The following CRTAC1 variants were observed in gnomAD, a reference collection of about 807,000 sequenced individuals.
CRTAC1 encodes cartilage acidic protein 1.
A neutral mutation model predicts 67.8 loss-of-function variants in CRTAC1; 37 were observed. The ratio of observed to expected loss-of-function variants is 0.55; its 90% CI spans 0.42 to 0.72. The LOEUF is 0.72. Ranked by LOEUF, CRTAC1 falls within the 30% of genes least tolerant of loss-of-function variation. CRTAC1 has a pLI of 0.00. For synonymous variants in CRTAC1, 348 were observed against 371.0 expected (o/e 0.94, Z 0.71); for missense variants, 780 against 931.6 (o/e 0.84, Z 2.12).
chr10:98,020,240 CAGAG>C (rs1293988573), intron 1 of CRTAC1, among the ~76,000 whole-genome samples: 1 of 152,160 alleles, frequency 6.6e-6, no homozygotes, highest in Non-Finnish European at 1.5e-5. Flanking sequence ...ACCAGACACA[CAGAG>C]AGGCACATAA....
chr10:97,988,161 G>C (rs576216769), intron 2 of CRTAC1, among the ~76,000 whole-genome samples: 1 of 151,908 alleles, frequency 6.6e-6, no homozygotes, highest in Non-Finnish European at 1.5e-5. Flanking sequence ...GACAGCCCCT[G>C]CTGTCCCTTT....
At chr10:97,938,550 A>T (rs936510266) in intron 2 of CRTAC1, among the ~76,000 whole-genome samples, 1 of 152,182 alleles carries the variant, frequency 6.6e-6, no homozygotes, top group Non-Finnish European at 1.5e-5. Context: ...TTCAGGGTCC[A>T]AACCCCATGT....
chr10:98,014,826 G>T (rs562513199), intron 1 of CRTAC1, among the ~76,000 whole-genome samples: 3 of 152,300 alleles, frequency 2.0e-5, no homozygotes, highest in Admixed American at 6.5e-5. Flanking sequence ...TAGAGAAATT[G>T]GAATCCTTGT....
At chr10:97,959,658 G>T (rs1318547624) in intron 2 of CRTAC1, among the ~76,000 whole-genome samples, 1 of 152,202 alleles carries the variant, frequency 6.6e-6, no homozygotes, top group African/African-American at 2.4e-5. Context: ...CGGCCATGTG[G>T]TTATGCTGTC....
chr10:97,960,211 G>A (rs896289257), intron 2 of CRTAC1, among the ~76,000 whole-genome samples: 1 of 152,260 alleles, frequency 6.6e-6, no homozygotes, highest in Non-Finnish European at 1.5e-5. Context: ...GGGGACAGCA[G>A]TCCCAGCCCC....
At chr10:97,952,604 A>C (rs1052517200) in intron 2 of CRTAC1, among the ~76,000 whole-genome samples, 1 of 151,102 alleles carries the variant, frequency 6.6e-6, no homozygotes, top group East Asian at 2.0e-4. Context: ...ACTGATTAGA[A>C]TTGCTAGACC....
At chr10:97,889,210 C>A (rs937883530) in intron 11 of CRTAC1, among the ~76,000 whole-genome samples, 6 of 150,652 alleles carry the variant, frequency 4.0e-5, no homozygotes, top group Non-Finnish European at 7.4e-5. Flanking sequence ...CTGGCGGAGG[C>A]AAATAGATGA....
chr10:97,918,035 T>C lies in CRTAC1; in HGVS notation c.559-379A>G, dbSNP rs192671857. 1.1e-4 allele frequency among the ~76,000 whole-genome samples: 17 copies of C among 152,286 alleles called. No individual in the cohort carries two copies. In the East Asian group the frequency reaches 2.9e-3, roughly 26 times the overall value. ...TGCTCAATAAATATTTGCTGATTGA[T>C]TGATCTACCAATTCCCATTATTCTC... is the stretch of plus-strand genomic sequence containing the variant. On this transcript the variant is annotated intron_variant, in intron 4 of 14. Coordinates refer to ENST00000370597, the MANE Select transcript of CRTAC1 (RefSeq NM_018058.7).
chr10:97,974,902 C>G (rs539153733), intron 2 of CRTAC1, among the ~76,000 whole-genome samples: 10 of 152,268 alleles, frequency 6.6e-5, no homozygotes, highest in African/African-American at 2.2e-4. Flanking sequence ...GCAGCTGCCT[C>G]GGCGCAGACA....
chr10:97,902,534 C>G (rs1408334805), intron 7 of CRTAC1, among the ~76,000 whole-genome samples: 1 of 152,124 alleles, frequency 6.6e-6, no homozygotes, highest in Admixed American at 6.5e-5. Context: ...CCTTGGGGGA[C>G]CAGGCAAAGG....
chr10:97,959,610 G>T (rs1380902369), intron 2 of CRTAC1, among the ~76,000 whole-genome samples: 1 of 152,224 alleles, frequency 6.6e-6, no homozygotes, highest in African/African-American at 2.4e-5. Flanking sequence ...CATGCTGTTT[G>T]CAAGGTGTGT....
intron 2 of CRTAC1, among the ~76,000 whole-genome samples, chr10:97,981,884 T>C (rs2051897604): frequency 6.6e-6 from 1 of 152,250 alleles, no homozygotes; most frequent in Non-Finnish European, 1.5e-5. Flanking sequence ...TGAAGTCATG[T>C]ATTGTTTTCA....
At chr10:97,950,702 GA>G (rs1247853407) in intron 2 of CRTAC1, among the ~76,000 whole-genome samples, 3 of 152,182 alleles carry the variant, frequency 2.0e-5, no homozygotes. Context: ...AAATGGATGG[GA>G]AAACAGAAAG....
Position 97,936,257 on chromosome 10 carries a change from C to G in CRTAC1, c.334G>C (p.Gly112Arg). The change falls in exon 3 of 15, where the codon GGG (glycine) becomes CGG (arginine). Residue 112 changes from glycine (G) to arginine (R), a missense_variant. Gly to Arg is a moderately radical substitution (Grantham distance 125). Coordinates refer to ENST00000370597, the MANE Select transcript of CRTAC1 (RefSeq NM_018058.7). ...CAGGCTGTGACCCCGATGGCGTTCCCCTGCCGGTCCCGCAGCGCGTAGTAG... is the reference window on the plus strand; with the variant it reads ...CAGGCTGTGACCCCGATGGCGTTCCGCTGCCGGTCCCGCAGCGCGTAGTAG... ...SPYYALRDRQ[G>R]NAIGVTACDI... The G allele has an allele frequency of 1.2e-6, 2 of 1,614,190 alleles. No homozygotes were observed. Among genetic ancestry groups the G allele is most frequent in the Non-Finnish European group, 1.7e-6 (2 of 1,180,018 alleles).
intron 3 of CRTAC1, among the ~76,000 whole-genome samples, chr10:97,924,883 G>A (rs891915535): frequency 2.0e-5 from 3 of 152,166 alleles, no homozygotes; most frequent in Admixed American, 1.3e-4. Context: ...GAGCATGAGC[G>A]AGAGTGAGCA....
intron 14 of CRTAC1, chr10:97,868,021 C>A (rs764559828): frequency 6.6e-6 from 1 of 152,240 alleles, no homozygotes; most frequent in Non-Finnish European, 1.5e-5. Context: ...ATCCTCATTT[C>A]TTGAGCTCTT....
chr10:97,927,502 G>A (rs1396488334), intron 3 of CRTAC1, among the ~76,000 whole-genome samples: 2 of 152,218 alleles, frequency 1.3e-5, no homozygotes, highest in Non-Finnish European at 2.9e-5. Context: ...CCTTAGCAAG[G>A]TGCCATCCTA....
chr10:97,877,867 CT>C (rs1348890370), intron 14 of CRTAC1, among the ~76,000 whole-genome samples: 1 of 152,246 alleles, frequency 6.6e-6, no homozygotes, highest in Non-Finnish European at 1.5e-5. Flanking sequence ...CCTGAACCCC[CT>C]GATGTCCTTG....
chr10:98,002,892 C>T (rs1441933558), intron 2 of CRTAC1, among the ~76,000 whole-genome samples: 1 of 148,658 alleles, frequency 6.7e-6, no homozygotes, highest in Non-Finnish European at 1.5e-5. Context: ...CATTCTCCTG[C>T]CTCAGCCTCC....
Sources: allele counts gnomAD v4.1 joint callset (sites outside exome capture counted in the v4.1 genomes callset), GRCh38; gene constraint gnomAD v4.1.1; transcripts MANE v1.5; gene names NCBI Gene and HGNC (gene_info 2026-07-23, HGNC 2026-07-21).